The following FAM193B variants were observed in gnomAD, a reference collection of about 807,000 sequenced individuals.
FAM193B encodes family with sequence similarity 193 member B.
FAM193B carries 27 observed loss-of-function variants against 70.7 expected under a neutral mutation model. The observed-to-expected ratio is 0.38, with a 90% CI of 0.28 to 0.53. The LOEUF (loss-of-function observed/expected upper bound fraction) is 0.53. FAM193B is among the 20% of genes least tolerant of loss of function. The pLI, the probability that FAM193B is intolerant of heterozygous loss-of-function variation, is 0.81. For missense variants in FAM193B, 1,022 were observed against 1,072.5 expected, an observed-to-expected ratio of 0.95 and a Z score of 0.66; for synonymous variants, 448 against 436.0, an observed-to-expected ratio of 1.03 and a Z score of -0.34.
intron 1 of FAM193B, chr5:177,539,395 G>T (rs1764580492): frequency 6.8e-6 from 3 of 442,750 alleles, no homozygotes; most frequent in Non-Finnish European, 1.2e-5. Flanking sequence ...GCGAGTGGTT[G>T]AACCCTAGTG....
chr5:177,538,515 C>A lies in FAM193B; in HGVS notation c.453+390G>T, dbSNP rs1764457825. Among the ~76,000 whole-genome samples the A allele has an allele frequency of 6.6e-6, 1 of 152,224 alleles. No homozygotes were observed. Among genetic ancestry groups the A allele is most frequent in the African/African-American group, 2.4e-5 (1 of 41,454 alleles). On this transcript the variant is annotated intron_variant, in intron 2 of 8. Transcript: ENST00000514747. This position sits in a 1 kb window ranked among gnomAD's most constrained non-coding sequence, Gnocchi z 4.1. ...CTGGCCATCGTGATTCATGAAACAG[C>A]AGACTTAGATGACTCCCAAGTGTCT...
Position 177,525,205 on chromosome 5 carries a change from C to G in FAM193B, c.1276G>C (p.Glu426Gln), listed in dbSNP as rs1229386598. 1 of 1,449,410 alleles carries G rather than the reference C, an allele frequency of 6.9e-7. No homozygotes were observed. The highest frequency in any genetic ancestry group is 9.1e-7 in the Non-Finnish European group (1 of 1,096,394). 89.8% of individuals were successfully genotyped at this position (1,449,410 alleles called of 1,614,324 possible). A position where few individuals can be genotyped will look rare whatever the true frequency, so the allele number is the denominator to read the frequency against. The change falls in exon 6 of 9, where the codon GAA (glutamate) becomes CAA (glutamine). Residue 426 changes from glutamate (E) to glutamine (Q), a missense_variant and splice_region_variant. Coordinates refer to ENST00000514747, the MANE Select transcript of FAM193B (RefSeq NM_001190946.3). ...GCTGCCAACTGGGCCTTCTCCTTTT[C>G]CTGCCAAGGCAAGAGGCAGTTTTAG... ...CYCEFFGHNAEKEKAQLAAEA... is the reference protein window; with the variant it reads ...CYCEFFGHNAQKEKAQLAAEA...
chr5:177,540,028 C>T (rs1421379139), intron 1 of FAM193B, among the ~76,000 whole-genome samples: 2 of 151,816 alleles, frequency 1.3e-5, no homozygotes, highest in African/African-American at 4.8e-5. Flanking sequence ...TAACTCAGGC[C>T]GGGCGCGGTA....
intron 1 of FAM193B, among the ~76,000 whole-genome samples, chr5:177,541,012 ACAGTAGTAC>A (rs1764786455): frequency 6.6e-6 from 1 of 152,264 alleles, no homozygotes; most frequent in Admixed American, 6.5e-5. Context: ...AAGGAACCAA[ACAGTAGTAC>A]CAGAAGCATA....
chr5:177,549,153 C>G (rs1344009279), intron 1 of FAM193B, among the ~76,000 whole-genome samples: 1 of 151,774 alleles, frequency 6.6e-6, no homozygotes, highest in Non-Finnish European at 1.5e-5. Flanking sequence ...TTGTTGGACC[C>G]TAACATTAAC....
chr5:177,533,680 A>T (rs1189205225), intron 4 of FAM193B, among the ~76,000 whole-genome samples: 1 of 152,176 alleles, frequency 6.6e-6, no homozygotes, highest in Admixed American at 6.5e-5. Context: ...AGTGGTAGAG[A>T]GTGAAGCTGA....
chr5:177,543,819 AAT>A (rs1765120167), intron 1 of FAM193B, among the ~76,000 whole-genome samples: 1 of 152,254 alleles, frequency 6.6e-6, no homozygotes, highest in South Asian at 2.1e-4. Context: ...CCAGACTTTC[AAT>A]CAGCTGCTCC....
intron 1 of FAM193B, chr5:177,553,113 G>A (rs1766515472): frequency 2.1e-6 from 2 of 937,030 alleles, no homozygotes; most frequent in Non-Finnish European, 2.5e-6. Context: ...TGACGCAACT[G>A]GGGAGGTCAG....
In FAM193B at chr5:177,532,590, C is replaced by G. The variant is rs370939557; in HGVS notation, c.1128G>C (p.Gln376His). Residue 376 changes from glutamine (Q) to histidine (H), a missense_variant, in exon 5 of 9, where the codon CAG becomes CAC. Coordinates refer to ENST00000514747, the MANE Select transcript of FAM193B (RefSeq NM_001190946.3). The surrounding 1 kb of genome is among the most constrained non-coding windows in gnomAD (Gnocchi z 4.9). ...HKFAHSGLAC[Q>H]LPQPCEADEG... is the part of the protein sequence containing the mutation. ...CATCTGCCTCGCAGGGCTGGGGCAG[C>G]TGGCAAGCCAGGCCACTGTGTGCAA... The G allele has an allele frequency of 8.2e-6, 13 of 1,592,204 alleles. No homozygotes were observed. Among genetic ancestry groups the G allele is most frequent in the Middle Eastern group, 1.7e-4 (1 of 5,954 alleles).
rs868854616 is a variant in FAM193B at position 177,549,194 on chromosome 5, T to C, written c.210+5055A>G. On this transcript the variant is annotated intron_variant, in intron 1 of 8. Transcript: ENST00000514747. ...AAGACTGGATTGTCTTTTCTTTTTTTTTTTTTTTTTTTTTTGAGAAAGGAG... is the reference window on the plus strand; with the variant it reads ...AAGACTGGATTGTCTTTTCTTTTTTCTTTTTTTTTTTTTTTGAGAAAGGAG... Among the ~76,000 whole-genome samples the C allele has an allele frequency of 1.1e-3, 164 of 147,698 alleles. 2 individuals carry two copies. Among genetic ancestry groups the C allele is most frequent in the East Asian group, 8.7e-3 (44 of 5,086 alleles).
intron 5 of FAM193B, among the ~76,000 whole-genome samples, chr5:177,529,456 G>A (rs961236584): frequency 2.6e-5 from 4 of 152,100 alleles, no homozygotes; most frequent in African/African-American, 9.7e-5. Context: ...CTGCCACTGT[G>A]TGTCTGTCCC....
chr5:177,521,441 C>T (rs1299599235), intron 8 of FAM193B, among the ~76,000 whole-genome samples: 1 of 152,214 alleles, frequency 6.6e-6, no homozygotes, highest in East Asian at 1.9e-4. Flanking sequence ...TGGAGCTTGC[C>T]CTGCTTTGGG....
intron 1 of FAM193B, chr5:177,553,363 A>G: frequency 3.0e-6 from 3 of 994,742 alleles, no homozygotes; most frequent in African/African-American, 1.7e-5. Context: ...GGGCAGGCTC[A>G]GCCAAAAGAC....
chr5:177,533,760 G>A (rs781207204), intron 4 of FAM193B, among the ~76,000 whole-genome samples: 39 of 152,198 alleles, frequency 2.6e-4, no homozygotes, highest in African/African-American at 8.2e-4. Flanking sequence ...AATGATGCAC[G>A]ATAAACAGGA....
At chr5:177,549,415 G>A (rs1017006297) in intron 1 of FAM193B, among the ~76,000 whole-genome samples, 7 of 151,862 alleles carry the variant, frequency 4.6e-5, no homozygotes, top group African/African-American at 7.3e-5. Context: ...GGATGGTCTC[G>A]ATCTCCTGAC....
At chr5:177,541,050 C>A (rs1040303301) in intron 1 of FAM193B, among the ~76,000 whole-genome samples, 1 of 152,090 alleles carries the variant, frequency 6.6e-6, no homozygotes, top group Non-Finnish European at 1.5e-5. Flanking sequence ...TTCGGAAGTA[C>A]AAGGAACTTA....
At chr5:177,522,128 C>A (rs1561744271) in intron 7 of FAM193B, 57 bp from the exon 8 acceptor site, 1 of 1,386,154 alleles carries the variant, frequency 7.2e-7, no homozygotes, top group Non-Finnish European at 1.0e-6. Context: ...CTTTTGCTCA[C>A]TGGACTCCTA....
chr5:177,531,721 CAG>C, intron 5 of FAM193B: 1 of 615,112 alleles, frequency 1.6e-6, no homozygotes, highest in Non-Finnish European at 2.4e-6. Context: ...GGGAACAGGG[CAG>C]AGCTGGGCAA....
intron 1 of FAM193B, chr5:177,552,081 T>C (rs1321339176): frequency 1.4e-5 from 14 of 985,242 alleles, no homozygotes; most frequent in African/African-American, 3.5e-5. Context: ...ACACCTACAG[T>C]TGGAGTCATT....
Sources: allele counts gnomAD v4.1 joint callset (sites outside exome capture counted in the v4.1 genomes callset), GRCh38; gene constraint gnomAD v4.1.1; non-coding constraint Gnocchi (gnomAD v3.1); transcripts MANE v1.5; gene names NCBI Gene and HGNC (gene_info 2026-07-23, HGNC 2026-07-21).